The following TRPV3 variants were observed in gnomAD, a reference collection of about 807,000 sequenced individuals.
TRPV3 encodes the protein transient receptor potential cation channel subfamily V member 3.
Under a neutral mutation model 87.1 loss-of-function variants are expected in TRPV3, and 88 were observed. That is an observed-to-expected ratio of 1.01 (90% CI 0.85 to 1.21). TRPV3 has a LOEUF of 1.21. Ranked by LOEUF, TRPV3 falls within the 50% of genes most tolerant of loss-of-function variation. TRPV3 has a pLI of 0.00. For missense variants in TRPV3, 1,054 were observed against 1,030.1 expected (o/e 1.02, Z -0.32); for synonymous variants, 438 against 423.3 (o/e 1.03, Z -0.43).
chr17:3,546,102 A>C (rs575547234), intron 2 of TRPV3, among the ~76,000 whole-genome samples: 1 of 152,262 alleles, frequency 6.6e-6, no homozygotes, highest in African/African-American at 2.4e-5. Context: ...GGTAGTGGAA[A>C]CAGTCAATTA....
rs57868197 is a variant in TRPV3 at position 3,512,325 on chromosome 17, TC to T, written c.*1591del. 144,427 of 152,068 alleles carry T rather than the reference TC, an allele frequency of 0.95. 69,017 individuals are homozygous for T. Among genetic ancestry groups the T allele is most frequent in the East Asian group, 1 (5,152 of 5,152 alleles). 9.4% of individuals were successfully genotyped at this position (152,068 alleles called of 1,614,324 possible). A position where few individuals can be genotyped will look rare whatever the true frequency, so the allele number is the denominator to read the frequency against. On this transcript the variant is annotated 3_prime_UTR_variant, in exon 18 of 18. Transcript: ENST00000576742. ...AGGGGCTGCTGTGGATTGTGAAGCC[TC>T]ACACACCCCAGCCCACCTCTCCCCA...
rs568407808 is a variant in TRPV3 at position 3,513,252 on chromosome 17, G to C, written c.*665C>G. On this transcript the variant is annotated 3_prime_UTR_variant, in exon 18 of 18. Coordinates refer to ENST00000576742, the MANE Select transcript of TRPV3 (RefSeq NM_145068.4). ...TTTCCGTATTGCAAGTTAAAACCCT[G>C]TGTTAATTCTGCTACTAAAAACATC... The C allele has an allele frequency of 6.5e-6, 1 of 152,748 alleles. No individual in the cohort carries two copies. The highest frequency in any genetic ancestry group is 2.4e-5 in the African/African-American group (1 of 41,562). 9.5% of individuals were successfully genotyped at this position (152,748 alleles called of 1,614,324 possible).
In TRPV3 at chr17:3,542,717, G is replaced by A. The variant is rs1385678879; in HGVS notation, c.467-19C>T. The A allele has an allele frequency of 6.2e-7, 1 of 1,610,890 alleles. No homozygotes were observed. Among genetic ancestry groups the A allele is most frequent in the South Asian group, 1.1e-5 (1 of 90,496 alleles). On this transcript the variant is annotated intron_variant, in intron 5 of 17. Coordinates refer to ENST00000576742, the MANE Select transcript of TRPV3 (RefSeq NM_145068.4). ...AGGAAGTCTGCAGGCAGGGCCATGGGTGGAGTTACAGGAGGGCCCCGGCTG... is the reference window on the plus strand; with the variant it reads ...AGGAAGTCTGCAGGCAGGGCCATGGATGGAGTTACAGGAGGGCCCCGGCTG...
chr17:3,544,883 A>G (rs1179236191), intron 3 of TRPV3, among the ~76,000 whole-genome samples: 4 of 152,120 alleles, frequency 2.6e-5, no homozygotes, highest in Non-Finnish European at 4.4e-5. Flanking sequence ...GCGTGGTGGC[A>G]TGTGCCTGTA....
At chr17:3,522,400 T>TG (rs1227533889) in intron 13 of TRPV3, among the ~76,000 whole-genome samples, 2 of 152,212 alleles carry the variant, frequency 1.3e-5, no homozygotes, top group African/African-American at 4.8e-5. Context: ...CACAATACAA[T>TG]ATTCTGAGAG....
intron 16 of TRPV3, among the ~76,000 whole-genome samples, chr17:3,515,748 T>C (rs1325459964): frequency 6.6e-6 from 1 of 151,558 alleles, no homozygotes; most frequent in Non-Finnish European, 1.5e-5. Flanking sequence ...TCACTTTCCA[T>C]CTGCCAGGGG....
intron 6 of TRPV3, 119 bp from the exon 7 acceptor site, chr17:3,535,832 G>A (rs1358491830): frequency 8.4e-7 from 1 of 1,184,878 alleles, no homozygotes. Flanking sequence ...CCTGGTCTGT[G>A]TCGCCAGCTA....
Position 3,530,021 on chromosome 17 carries a change from AC to A in TRPV3, c.1242+5del. 1 of 1,609,694 alleles carries A rather than the reference AC, an allele frequency of 6.2e-7. No individual in the cohort carries two copies. Among genetic ancestry groups the A allele is most frequent in the Non-Finnish European group, 8.5e-7 (1 of 1,177,370 alleles). ...CTGCCCTTCCCCGCCTGTGCAGGAG[AC>A]CCACGTCGATGTTGGTGTTGTAGAC... On this transcript the variant is annotated splice_donor_5th_base_variant and intron_variant, in intron 9 of 17. Transcript: ENST00000576742. The surrounding 1 kb of genome is among the most constrained non-coding windows in gnomAD (Gnocchi z 4.0).
chr17:3,533,151 T>C (rs1316551268), intron 7 of TRPV3, among the ~76,000 whole-genome samples: 1 of 152,132 alleles, frequency 6.6e-6, no homozygotes, highest in Admixed American at 6.5e-5. Context: ...GGCCCTTTAA[T>C]ACTCTGCTCA....
intron 17 of TRPV3, 110 bp from the exon 18 acceptor site, chr17:3,514,121 C>G (rs991136748): frequency 1.1e-6 from 1 of 925,484 alleles, no homozygotes; most frequent in African/African-American, 1.7e-5. Flanking sequence ...TCTTGTCACC[C>G]AGGCTGCAGT....
At position 3,532,527 on chromosome 17, in the gene TRPV3, C is replaced by A. The variant is rs1597479061; in HGVS notation, c.1065+130G>T. 12 of 1,245,340 alleles carry A rather than the reference C, an allele frequency of 9.6e-6. No individual in the cohort carries two copies. The East Asian group carries it at 1.8e-4, about 18-fold the overall frequency. 77.1% of individuals were successfully genotyped at this position (1,245,340 alleles called of 1,614,324 possible). ...CGCCACGCCACTGCAGTTCTGGACC[C>A]AAGGCTGGGACCTTCTCAAGGCTGA... On this transcript the variant is annotated intron_variant, in intron 8 of 17. Coordinates refer to ENST00000576742, the MANE Select transcript of TRPV3 (RefSeq NM_145068.4).
chr17:3,524,844 A>C (rs2074281387), intron 12 of TRPV3, among the ~76,000 whole-genome samples: 1 of 151,976 alleles, frequency 6.6e-6, no homozygotes, highest in South Asian at 2.1e-4. Flanking sequence ...AAATAATCTA[A>C]ATCACCCACA....
intron 7 of TRPV3, 118 bp from the exon 8 acceptor site, chr17:3,533,055 C>G: frequency 8.4e-7 from 1 of 1,188,178 alleles, no homozygotes; most frequent in Non-Finnish European, 1.2e-6. Flanking sequence ...GGTTCCCTAG[C>G]CCTCTCCCCA....
intron 12 of TRPV3, among the ~76,000 whole-genome samples, chr17:3,524,825 A>G (rs937303039): frequency 2.7e-5 from 4 of 150,286 alleles, no homozygotes; most frequent in South Asian, 2.1e-4. Flanking sequence ...AAAAAAAAAA[A>G]GAAAAGAAAA....
At chr17:3,529,041 G>A (rs780266074) in intron 9 of TRPV3, 46 bp from the exon 10 acceptor site, 1 of 1,610,142 alleles carries the variant, frequency 6.2e-7, no homozygotes, top group South Asian at 1.1e-5. Flanking sequence ...AGGGAGAGAG[G>A]GAGGGACCGT....
chr17:3,529,966 C>G, intron 9 of TRPV3, 61 bp downstream of exon 9: 1 of 1,547,142 alleles, frequency 6.5e-7, no homozygotes, highest in Admixed American at 1.8e-5. Context: ...GTCCTCTCAG[C>G]CCCTGGCCTG....
chr17:3,522,388 C>T (rs2074255318), intron 13 of TRPV3, among the ~76,000 whole-genome samples: 1 of 152,192 alleles, frequency 6.6e-6, no homozygotes, highest in Non-Finnish European at 1.5e-5. Flanking sequence ...AGAAATATTA[C>T]ACACAATACA....
chr17:3,540,645 G>A (rs1294323131), intron 6 of TRPV3, among the ~76,000 whole-genome samples: 5 of 152,202 alleles, frequency 3.3e-5, no homozygotes, highest in Non-Finnish European at 2.9e-5. Flanking sequence ...CTGCCCTCAA[G>A]GGAAACATGT....
At chr17:3,548,724 C>T (rs749459164) in intron 2 of TRPV3, among the ~76,000 whole-genome samples, 2 of 152,230 alleles carry the variant, frequency 1.3e-5, no homozygotes, top group Non-Finnish European at 2.9e-5. Context: ...CAATCAAACC[C>T]TTCTTCCAAA....
Sources: allele counts gnomAD v4.1 joint callset (sites outside exome capture counted in the v4.1 genomes callset), GRCh38; gene constraint gnomAD v4.1.1; non-coding constraint Gnocchi (gnomAD v3.1); transcripts MANE v1.5; gene names NCBI Gene and HGNC (gene_info 2026-07-23, HGNC 2026-07-21).